Variants in STAC observed in about 807,000 individuals in gnomAD.
The protein encoded by STAC is SH3 and cysteine rich domain, also known as SH3 and cysteine-rich domain-containing protein.
STAC carries 43 observed loss-of-function variants against 48.8 expected under a neutral mutation model. The observed-to-expected ratio is 0.88, with a 90% CI of 0.69 to 1.14. STAC has a LOEUF of 1.14. Among genes scored for constraint, STAC ranks in the 50% most tolerant of loss-of-function variants. The probability of loss-of-function intolerance (pLI) is 0.00; values close to 1 mark genes in which losing one functional copy is unlikely to be tolerated. For synonymous variants in STAC, 193 were observed against 179.5 expected (o/e 1.07, Z -0.60); for missense variants, 497 against 504.0 (o/e 0.99, Z 0.13).
At chr3:36,387,057 A>G (rs1230296687) in intron 1 of STAC, among the ~76,000 whole-genome samples, 1 of 152,080 alleles carries the variant, frequency 6.6e-6, no homozygotes, top group Non-Finnish European at 1.5e-5. Context: ...TTACTTTTTC[A>G]GTTTGGGGTT....
chr3:36,537,342 A>G (rs1575271263), intron 10 of STAC, among the ~76,000 whole-genome samples: 1 of 152,210 alleles, frequency 6.6e-6, no homozygotes, highest in African/African-American at 2.4e-5. Context: ...GTACACATAC[A>G]CCATAGAATA....
chr3:36,449,442 C>T (rs945186530), intron 2 of STAC, among the ~76,000 whole-genome samples: 4 of 152,168 alleles, frequency 2.6e-5, no homozygotes, highest in Non-Finnish European at 4.4e-5. Context: ...AGGGCAGATT[C>T]ATTAAAGAGT....
chr3:36,509,676 C>A (rs1478947006), intron 8 of STAC, among the ~76,000 whole-genome samples: 2 of 151,626 alleles, frequency 1.3e-5, no homozygotes, highest in African/African-American at 4.8e-5. Context: ...GATATTCTTT[C>A]TTCTGCTTGA....
chr3:36,487,088 G>T (rs1356915546), intron 5 of STAC, among the ~76,000 whole-genome samples: 7 of 152,222 alleles, frequency 4.6e-5, no homozygotes, highest in African/African-American at 1.7e-4. Context: ...TCAACATCAA[G>T]TGACTAGGTG....
chr3:36,429,161 G>A (rs1559487586), intron 1 of STAC, among the ~76,000 whole-genome samples: 1 of 152,124 alleles, frequency 6.6e-6, no homozygotes, highest in Non-Finnish European at 1.5e-5. Context: ...AAGGTTTGAG[G>A]TCTATTAACT....
chr3:36,467,350 T>C (rs764613729), intron 2 of STAC, among the ~76,000 whole-genome samples: 1 of 152,170 alleles, frequency 6.6e-6, no homozygotes, highest in Non-Finnish European at 1.5e-5. Context: ...GGGGTGATTC[T>C]GGATTCATAG....
At chr3:36,396,033 G>A (rs1041774098) in intron 1 of STAC, among the ~76,000 whole-genome samples, 4 of 151,832 alleles carry the variant, frequency 2.6e-5, no homozygotes, top group South Asian at 2.1e-4. Flanking sequence ...TTACCTCTGC[G>A]ATAGAGAAAA....
chr3:36,450,773 C>T (rs1392876156), intron 2 of STAC, among the ~76,000 whole-genome samples: 2 of 152,204 alleles, frequency 1.3e-5, no homozygotes, highest in South Asian at 2.1e-4. Flanking sequence ...GATCCACCTA[C>T]CTCGGCCTCC....
intron 1 of STAC, among the ~76,000 whole-genome samples, chr3:36,427,209 T>C (rs1226687113): frequency 6.6e-6 from 1 of 152,208 alleles, no homozygotes; most frequent in Non-Finnish European, 1.5e-5. Flanking sequence ...AGAGCAGAAC[T>C]TTCTCCATGC....
chr3:36,506,024 A>C (rs1015676050), intron 8 of STAC, 190 bp downstream of exon 8: 1 of 437,852 alleles, frequency 2.3e-6, no homozygotes, highest in African/African-American at 2.1e-5. Context: ...GATTCATCAG[A>C]TCTGAGGCAG....
At chr3:36,481,339 T>A (rs979985679) in intron 2 of STAC, among the ~76,000 whole-genome samples, 2 of 152,216 alleles carry the variant, frequency 1.3e-5, no homozygotes, top group Non-Finnish European at 2.9e-5. Flanking sequence ...GAAAGATGTT[T>A]AAGCAAGAAA....
At chr3:36,454,167 G>A (rs1013880380) in intron 2 of STAC, among the ~76,000 whole-genome samples, 2 of 152,142 alleles carry the variant, frequency 1.3e-5, no homozygotes, top group African/African-American at 4.8e-5. Context: ...CCACGCTGTG[G>A]AAGCTTTGTT....
intron 1 of STAC, among the ~76,000 whole-genome samples, chr3:36,429,579 A>T (rs1374137611): frequency 6.6e-6 from 1 of 152,092 alleles, no homozygotes; most frequent in Non-Finnish European, 1.5e-5. Flanking sequence ...TCCCTGGGCC[A>T]CCTCAAGCCT....
intron 5 of STAC, among the ~76,000 whole-genome samples, chr3:36,492,328 A>G (rs79646583): frequency 0.017 from 2,590 of 152,088 alleles, 22 homozygotes; most frequent in Non-Finnish European, 0.021. Context: ...TAGCACACCA[A>G]TGAATAAAGC....
chr3:36,459,929 C>T (rs1696960396), intron 2 of STAC, among the ~76,000 whole-genome samples: 1 of 152,078 alleles, frequency 6.6e-6, no homozygotes, highest in Admixed American at 6.6e-5. Context: ...CTCTCTGATC[C>T]TCAATTTTCC....
chr3:36,474,996 C>T, intron 2 of STAC, among the ~76,000 whole-genome samples: 1 of 151,488 alleles, frequency 6.6e-6, no homozygotes, highest in East Asian at 1.9e-4. Flanking sequence ...TGGCTTTTCT[C>T]GTGTGTGTGT....
chr3:36,396,792 T>C (rs73054134), intron 1 of STAC, among the ~76,000 whole-genome samples: 3,541 of 152,288 alleles, frequency 0.023, 57 homozygotes, highest in East Asian at 0.026. Context: ...TTACTCAGAA[T>C]CACTCTTCTG....
rs71085125 is a variant in STAC, at chr3:36,455,760, G to GGTGT, written c.388+12145_388+12148dup. ...TGTCTGGGACTCAGTGAAACAGGCA[G>GGTGT]GTGTGTGTGTGTGTGTGTGTGTGTG... On this transcript the variant is annotated intron_variant, in intron 2 of 10. Coordinates refer to ENST00000273183, the MANE Select transcript of STAC (RefSeq NM_003149.3). Among the ~76,000 whole-genome samples the GGTGT allele has an allele frequency of 4.0e-3, 596 of 149,250 alleles. 3 individuals carry two copies. The highest frequency in any genetic ancestry group is 0.011 in the African/African-American group (462 of 40,738).
chr3:36,450,447 T>A (rs1303362785), intron 2 of STAC, among the ~76,000 whole-genome samples: 1 of 152,192 alleles, frequency 6.6e-6, no homozygotes, highest in Admixed American at 6.5e-5. Context: ...TTCTCCTTTG[T>A]GTTGCATATT....
Sources: gnomAD v4.1 joint callset for allele counts (sites outside exome capture counted in the v4.1 genomes callset) on GRCh38, gnomAD v4.1.1 for gene constraint, MANE v1.5 for transcripts, NCBI Gene and HGNC (gene_info 2026-07-23, HGNC 2026-07-21) for gene names.